Variants in SPMIP3 observed in about 807,000 individuals in gnomAD.
SPMIP3 encodes protein SPMIP3.
the SPMIP3 span, among the ~76,000 whole-genome samples, chr1:244,352,913 T>C: frequency 6.6e-6 from 1 of 152,240 alleles, no homozygotes; most frequent in Non-Finnish European, 1.5e-5. Flanking sequence ...TACTCATCTC[T>C]CTCAACTTTG....
At chr1:244,353,861 A>G in the SPMIP3 span, among the ~76,000 whole-genome samples, 1 of 152,164 alleles carries the variant, frequency 6.6e-6, no homozygotes, top group East Asian at 1.9e-4. Flanking sequence ...GCCCTCTTCT[A>G]AACAGCCTCT....
At chr1:244,370,707 T>C in the SPMIP3 span, among the ~76,000 whole-genome samples, 3 of 152,240 alleles carry the variant, frequency 2.0e-5, no homozygotes, top group Non-Finnish European at 4.4e-5. Context: ...TCACAGAGTT[T>C]GTATGAAAAT....
chr1:244,375,712 T>C, the SPMIP3 span, among the ~76,000 whole-genome samples: 1 of 152,110 alleles, frequency 6.6e-6, no homozygotes, highest in Non-Finnish European at 1.5e-5. Context: ...TTGCCCAGGC[T>C]GGAGTGCAGT....
chr1:244,375,599 G>A, the SPMIP3 span: 4 of 545,748 alleles, frequency 7.3e-6, no homozygotes, highest in South Asian at 1.3e-4. Context: ...GATAGAAGAG[G>A]TTTGCAAGAA....
chr1:244,372,664 C>T, the SPMIP3 span, among the ~76,000 whole-genome samples: 33 of 152,208 alleles, frequency 2.2e-4, no homozygotes, highest in East Asian at 9.7e-4. Context: ...AGGATGGTCT[C>T]GAACTCCTGA....
At chr1:244,379,170 C>T in the SPMIP3 span, among the ~76,000 whole-genome samples, 2 of 151,604 alleles carry the variant, frequency 1.3e-5, no homozygotes, top group Non-Finnish European at 2.9e-5. Flanking sequence ...CCTCATGATC[C>T]GCCCGCCTAA....
At chr1:244,373,332 T>TTTTATATATATATATATATATATATA in the SPMIP3 span, among the ~76,000 whole-genome samples, 562 of 85,114 alleles carry the variant, frequency 6.6e-3, 67 homozygotes, top group East Asian at 0.01. Flanking sequence ...CAAAAAAAAA[T>TTTTATATATATATATATATATATATA]TATATATATA....
At chr1:244,371,453 C>G in the SPMIP3 span, among the ~76,000 whole-genome samples, 1 of 152,206 alleles carries the variant, frequency 6.6e-6, no homozygotes, top group Non-Finnish European at 1.5e-5. Flanking sequence ...CCAGCCATCC[C>G]TCTCTCCACA....
At chr1:244,369,377 C>A in the SPMIP3 span, among the ~76,000 whole-genome samples, 1 of 152,124 alleles carries the variant, frequency 6.6e-6, no homozygotes, top group African/African-American at 2.4e-5. Flanking sequence ...AAACTTTGAT[C>A]GAAACAGTCT....
chr1:244,387,897 T>C, the SPMIP3 span, among the ~76,000 whole-genome samples: 1 of 152,144 alleles, frequency 6.6e-6, no homozygotes, highest in Admixed American at 6.5e-5. Flanking sequence ...AAAGAATGGA[T>C]GAACTTCATT....
the SPMIP3 span, among the ~76,000 whole-genome samples, chr1:244,360,103 A>G: frequency 0.43 from 64,605 of 151,644 alleles, 14,176 homozygotes; most frequent in Middle Eastern, 0.52. Context: ...GCGAGACGCC[A>G]TCTAAAAAAA....
chr1:244,388,013 C>T, the SPMIP3 span, among the ~76,000 whole-genome samples: 2 of 151,876 alleles, frequency 1.3e-5, no homozygotes, highest in Non-Finnish European at 2.9e-5. Context: ...CTGCAACCTC[C>T]GCCTCCCGGG....
At chr1:244,362,678 C>T in the SPMIP3 span, among the ~76,000 whole-genome samples, 6 of 151,954 alleles carry the variant, frequency 3.9e-5, no homozygotes, top group African/African-American at 7.3e-5. Flanking sequence ...CCGATGTTCT[C>T]CTGCTACACC....
the SPMIP3 span, chr1:244,378,364 T>G: frequency 8.3e-7 from 1 of 1,198,408 alleles, no homozygotes; most frequent in Non-Finnish European, 1.2e-6. Context: ...CAATACTCTC[T>G]GTTAGCCTCA....
At chr1:244,362,077 T>C in the SPMIP3 span, among the ~76,000 whole-genome samples, 1 of 152,248 alleles carries the variant, frequency 6.6e-6, no homozygotes, top group Non-Finnish European at 1.5e-5. Flanking sequence ...TTAGGCTCTG[T>C]TGGATAGCCA....
chr1:244,388,181 G>A, the SPMIP3 span, among the ~76,000 whole-genome samples: 33 of 151,500 alleles, frequency 2.2e-4, no homozygotes, highest in African/African-American at 6.8e-4. Flanking sequence ...CACCCGCCTC[G>A]GCCTCCCAAA....
the SPMIP3 span, among the ~76,000 whole-genome samples, chr1:244,376,767 G>A: frequency 1.6e-4 from 24 of 151,710 alleles, no homozygotes; most frequent in East Asian, 5.8e-4. Context: ...TTAATGTATC[G>A]TGGACTTTTT....
At chr1:244,384,559 G>A in the SPMIP3 span, among the ~76,000 whole-genome samples, 5 of 152,198 alleles carry the variant, frequency 3.3e-5, no homozygotes, top group African/African-American at 9.6e-5. Context: ...AAATCTGGAC[G>A]CCCAGGCTAT....
At chr1:244,363,258 A>G in the SPMIP3 span, among the ~76,000 whole-genome samples, 1 of 152,040 alleles carries the variant, frequency 6.6e-6, no homozygotes, top group Non-Finnish European at 1.5e-5. Context: ...AAACACAAAA[A>G]TTAGCTGGGC....
Sources: allele counts gnomAD v4.1 joint callset (sites outside exome capture counted in the v4.1 genomes callset), GRCh38; gene constraint gnomAD v4.1.1; transcripts MANE v1.5; gene names NCBI Gene and HGNC (gene_info 2026-07-23, HGNC 2026-07-21).